The following KCTD8 variants were observed in gnomAD, a reference collection of about 807,000 sequenced individuals.
KCTD8 encodes the protein BTB/POZ domain-containing protein KCTD8.
In KCTD8, 27 loss-of-function variants were observed where a neutral mutation model predicts 31.5. The observed-to-expected ratio is 0.86, with a 90% CI of 0.63 to 1.18. The LOEUF is 1.18. KCTD8 is among the 50% of genes most tolerant of loss of function. KCTD8 has a pLI of 0.00. For synonymous variants in KCTD8, 290 were observed against 280.0 expected (o/e 1.04, Z -0.36); for missense variants, 658 against 647.7 (o/e 1.02, Z -0.17).
At chr4:44,368,659 A>G (rs943847494) in intron 1 of KCTD8, among the ~76,000 whole-genome samples, 7 of 152,178 alleles carry the variant, frequency 4.6e-5, no homozygotes, top group Admixed American at 4.6e-4. Context: ...TTGAGGAGAA[A>G]AGCTGTTATG....
intron 1 of KCTD8, among the ~76,000 whole-genome samples, chr4:44,384,278 A>G (rs983443831): frequency 6.6e-6 from 1 of 151,936 alleles, no homozygotes; most frequent in Non-Finnish European, 1.5e-5. Flanking sequence ...AACCACAAAT[A>G]CAGCTACCAT....
intron 1 of KCTD8, among the ~76,000 whole-genome samples, chr4:44,265,477 G>A (rs1716318192): frequency 6.6e-6 from 1 of 152,132 alleles, no homozygotes; most frequent in Non-Finnish European, 1.5e-5. Flanking sequence ...ACTCTAAAAA[G>A]CAGAGCACCT....
intron 1 of KCTD8, among the ~76,000 whole-genome samples, chr4:44,191,437 G>T (rs537152600): frequency 6.6e-6 from 1 of 152,090 alleles, no homozygotes; most frequent in Admixed American, 6.6e-5. Context: ...CTATGGGGTC[G>T]GGCAAAAAGA....
intron 1 of KCTD8, among the ~76,000 whole-genome samples, chr4:44,307,843 C>T (rs924591729): frequency 1.4e-4 from 22 of 151,802 alleles, no homozygotes; most frequent in African/African-American, 4.8e-4. Context: ...GACTAAGTAC[C>T]TAAATAAAAT....
intron 1 of KCTD8, among the ~76,000 whole-genome samples, chr4:44,238,561 C>T (rs969344169): frequency 2.0e-5 from 3 of 152,106 alleles, no homozygotes; most frequent in Admixed American, 6.5e-5. Context: ...CAAGTGTTAA[C>T]GTACCACATA....
At chr4:44,321,469 G>GT (rs1326752555) in intron 1 of KCTD8, among the ~76,000 whole-genome samples, 2 of 151,912 alleles carry the variant, frequency 1.3e-5, no homozygotes, top group Admixed American at 6.6e-5. Context: ...TTTGTTTTAT[G>GT]TTTTTTTGAT....
At position 44,290,988 on chromosome 4, in the gene KCTD8, A is replaced by G. The variant is rs78825953; in HGVS notation, c.962-115738T>C. 1.5e-3 allele frequency among the ~76,000 whole-genome samples: 235 copies of G among 152,222 alleles called. 5 individuals carry two copies. In the East Asian group the frequency reaches 0.036, roughly 23 times the overall value. On this transcript the variant is annotated intron_variant, in intron 1 of 1. Coordinates refer to ENST00000360029, the MANE Select transcript of KCTD8 (RefSeq NM_198353.3). ...AGAGAAGAATTGAATGATATTGAGA[A>G]GCAAAAGTCTACACAAAAGATCAAT...
intron 1 of KCTD8, among the ~76,000 whole-genome samples, chr4:44,268,131 G>A (rs1474856109): frequency 1.3e-5 from 2 of 152,152 alleles, no homozygotes; most frequent in Non-Finnish European, 2.9e-5. Context: ...GAACATTGAT[G>A]CAAAAATCCT....
intron 1 of KCTD8, among the ~76,000 whole-genome samples, chr4:44,307,190 C>T (rs976396750): frequency 6.6e-6 from 1 of 151,982 alleles, no homozygotes; most frequent in African/African-American, 2.4e-5. Flanking sequence ...AATGTCACAA[C>T]AAACTGAGTG....
Position 44,202,879 on chromosome 4 carries a change from T to C in KCTD8, c.962-27629A>G, listed in dbSNP as rs140782732. ...GTTAATAATTGTAAAATTGAAAATT[T>C]TCTTTAGTTAGAGCAGTATTAAATA... On this transcript the variant is annotated intron_variant, in intron 1 of 1. Coordinates refer to ENST00000360029, the MANE Select transcript of KCTD8 (RefSeq NM_198353.3). 2.5e-3 allele frequency among the ~76,000 whole-genome samples: 381 copies of C among 152,296 alleles called. 5 individuals are homozygous for C. Among genetic ancestry groups the C allele is most frequent in the African/African-American group, 7.7e-3 (319 of 41,568 alleles).
chr4:44,245,097 A>G (rs1044707099), intron 1 of KCTD8, among the ~76,000 whole-genome samples: 1 of 152,112 alleles, frequency 6.6e-6, no homozygotes, highest in Non-Finnish European at 1.5e-5. Context: ...ATTCTCTAAC[A>G]TGAGGGAAAA....
In KCTD8 at chr4:44,243,486, A is replaced by G. The variant is rs560155307; in HGVS notation, c.962-68236T>C. 2.6e-5 allele frequency among the ~76,000 whole-genome samples: 4 copies of G among 152,334 alleles called. No homozygotes were observed. The South Asian group carries it at 6.2e-4, about 24-fold the overall frequency. On this transcript the variant is annotated intron_variant, in intron 1 of 1. Transcript: ENST00000360029. ...TATATGCATACACTCTTTTAGAGATAATTTCCACAGTGTAAGGGCAGGGCT... is the reference window on the plus strand; with the variant it reads ...TATATGCATACACTCTTTTAGAGATGATTTCCACAGTGTAAGGGCAGGGCT...
At chr4:44,214,857 C>CATCT in intron 1 of KCTD8, among the ~76,000 whole-genome samples, 1 of 152,178 alleles carries the variant, frequency 6.6e-6, no homozygotes, top group Non-Finnish European at 1.5e-5. Context: ...AGGAGTCATG[C>CATCT]ATCTGGAGGC....
chr4:44,366,891 A>G (rs1433085411), intron 1 of KCTD8, among the ~76,000 whole-genome samples: 2 of 152,114 alleles, frequency 1.3e-5, no homozygotes, highest in Non-Finnish European at 2.9e-5. Context: ...GTCATGCTGT[A>G]TGTGTTCTAT....
intron 1 of KCTD8, among the ~76,000 whole-genome samples, chr4:44,176,588 A>AT (rs907897115): frequency 3.9e-5 from 6 of 152,002 alleles, no homozygotes; most frequent in South Asian, 2.1e-4. Context: ...TTCTATCACC[A>AT]TTTTTTTTCT....
intron 1 of KCTD8, among the ~76,000 whole-genome samples, chr4:44,414,278 A>C (rs2109465948): frequency 6.6e-6 from 1 of 152,242 alleles, no homozygotes. Context: ...AAGTATGCTG[A>C]TTATTAGAAA....
chr4:44,343,608 T>C (rs535205027), intron 1 of KCTD8, among the ~76,000 whole-genome samples: 11 of 152,244 alleles, frequency 7.2e-5, no homozygotes, highest in African/African-American at 2.6e-4. Flanking sequence ...GCAATATCTA[T>C]AAAGTACAAT....
intron 1 of KCTD8, among the ~76,000 whole-genome samples, chr4:44,361,671 A>T (rs1719500674): frequency 6.6e-6 from 1 of 152,130 alleles, no homozygotes; most frequent in South Asian, 2.1e-4. Flanking sequence ...ACACAATTAT[A>T]CTAAATTTTG....
In KCTD8 at chr4:44,183,445, G is replaced by T. The variant is rs181942111; in HGVS notation, c.962-8195C>A. ...GCAGTAGTAAAAAACATTATATTAA[G>T]TAAAATGTCACAAATAGAAAATATC... On this transcript the variant is annotated intron_variant, in intron 1 of 1. Coordinates refer to ENST00000360029, the MANE Select transcript of KCTD8 (RefSeq NM_198353.3). Among the ~76,000 whole-genome samples the T allele has an allele frequency of 7.7e-3, 1,168 of 152,204 alleles. 15 individuals carry two copies. Among genetic ancestry groups the T allele is most frequent in the African/African-American group, 0.026 (1,090 of 41,548 alleles).
Sources: allele counts gnomAD v4.1 joint callset (sites outside exome capture counted in the v4.1 genomes callset), GRCh38; gene constraint gnomAD v4.1.1; transcripts MANE v1.5; gene names NCBI Gene and HGNC (gene_info 2026-07-23, HGNC 2026-07-21).